Variants in LRP1 observed in about 807,000 individuals in gnomAD.
The protein encoded by LRP1 is LDL receptor related protein 1.
A neutral mutation model predicts 541.5 loss-of-function variants in LRP1; 51 were observed. That is an observed-to-expected ratio of 0.09 (90% confidence interval 0.08 to 0.12). The LOEUF is 0.12. Ranked by LOEUF, LRP1 falls within the 10% of genes least tolerant of loss-of-function variation. LRP1 has a pLI of 1.00. For synonymous variants in LRP1, 2,219 were observed against 2,470.8 expected, an observed-to-expected ratio of 0.90 and a Z score of 3.02; for missense variants, 3,878 against 6,376.2, an observed-to-expected ratio of 0.61 and a Z score of 13.34.
Position 57,209,773 on chromosome 12 carries a change from T to C in LRP1, c.12344T>C (p.Ile4115Thr), listed in dbSNP as rs781273134. The C allele has an allele frequency of 1.2e-6, 2 of 1,614,090 alleles. No individual in the cohort carries two copies. Among genetic ancestry groups the C allele is most frequent in the Admixed American group, 1.7e-5 (1 of 60,010 alleles). Reference sequence around the variant, plus strand: ...TACATCAATAATCGTGTCTTCAAGATCCATAAGTTTGGCCACAGCCCCTTG... The same window carrying C: ...TACATCAATAATCGTGTCTTCAAGACCCATAAGTTTGGCCACAGCCCCTTG... ...VTYINNRVFKIHKFGHSPLVN... is the reference protein window; with the variant it reads ...VTYINNRVFKTHKFGHSPLVN... The change falls in exon 80 of 89, where the codon ATC becomes ACC. Residue 4115 changes from isoleucine to threonine, a missense_variant. By Grantham distance (89) the Ile-to-Thr change is moderately conservative. Transcript: ENST00000243077.
rs34829010 is a variant in LRP1, at chr12:57,197,174, C to A, written c.9076+9C>A. 7.4e-6 allele frequency: 12 copies of A among 1,613,662 alleles called. No homozygotes were observed. The highest frequency in any genetic ancestry group is 1.0e-5 in the Non-Finnish European group (12 of 1,179,984). On this transcript the variant is annotated intron_variant, in intron 56 of 88. Coordinates refer to ENST00000243077, the MANE Select transcript of LRP1 (RefSeq NM_002332.3). The surrounding 1 kb of genome is among the most constrained non-coding windows in gnomAD (Gnocchi z 4.5). ...CTGCAAGGCTGTGACTGGTGAGATG[C>A]GCGCTTGGAGGGCATGAGGTGACCC...
intron 1 of LRP1, among the ~76,000 whole-genome samples, chr12:57,133,214 G>A (rs568550175): frequency 2.6e-5 from 4 of 151,988 alleles, no homozygotes; most frequent in Non-Finnish European, 5.9e-5. Flanking sequence ...GGCTGGGGTG[G>A]GGGGAGAAGG....
Position 57,156,634 on chromosome 12 carries a change from A to C in LRP1, c.1418-143A>C, listed in dbSNP as rs1592616498. The C allele has an allele frequency of 1.1e-6, 1 of 944,674 alleles. No homozygotes were observed. The highest frequency in any genetic ancestry group is 1.5e-6 in the Non-Finnish European group (1 of 656,938). The allele number at this position is 944,674 out of a possible 1,614,324, so 58.5% of individuals were successfully genotyped here. The stretch of plus-strand genomic sequence containing the variant: ...GGTTGTTGGGGGGCAGAGGGTTTCC[A>C]CCCCTGTGGCTTCCAAATCCTAAAA... On this transcript the variant is annotated intron_variant, in intron 9 of 88. Coordinates refer to ENST00000243077, the MANE Select transcript of LRP1 (RefSeq NM_002332.3). This position sits in a 1 kb window ranked among gnomAD's most constrained non-coding sequence, Gnocchi z 5.2.
rs1247351256 is a variant in LRP1 at position 57,179,420 on chromosome 12, G to A, written c.4830G>A (p.Thr1610=). Residue 1610 remains threonine (T), a synonymous_variant, in exon 29 of 89, where the codon ACG becomes ACA. Coordinates refer to ENST00000243077, the MANE Select transcript of LRP1 (RefSeq NM_002332.3). This position sits in a 1 kb window ranked among gnomAD's most constrained non-coding sequence, Gnocchi z 6.8. ...APYYNYIISF[T]VPDIDNVTVL... is the part of the protein sequence containing the mutation. ...ACTACAACTACATCATCTCCTTCAC[G>A]GTGCCCGACATCGACAACGTCACAG... 1.2e-6 allele frequency: 2 copies of A among 1,614,068 alleles called. No individual in the cohort carries two copies. Among genetic ancestry groups the A allele is most frequent in the East Asian group, 2.2e-5 (1 of 44,900 alleles).
At position 57,165,577 on chromosome 12, in the gene LRP1, C is replaced by T. The variant is rs2136686642; in HGVS notation, c.2531-228C>T. On this transcript the variant is annotated intron_variant, in intron 15 of 88. Transcript: ENST00000243077. The surrounding 1 kb of genome is among the most constrained non-coding windows in gnomAD (Gnocchi z 4.5). ...CTTGGACACCATTTGATTCTCAGGTCACACTGAAGTACAGTAAGCATTAAG... is the reference window on the plus strand; with the variant it reads ...CTTGGACACCATTTGATTCTCAGGTTACACTGAAGTACAGTAAGCATTAAG... 1 of 520,902 alleles carries T rather than the reference C, an allele frequency of 1.9e-6. No individual in the cohort carries two copies. The highest frequency in any genetic ancestry group is 3.2e-5 in the Admixed American group (1 of 30,918). The allele number at this position is 520,902 out of a possible 1,614,324, so 32.3% of individuals were successfully genotyped here.
chr12:57,179,061 C>A lies in LRP1; in HGVS notation c.4738+40C>A. On this transcript the variant is annotated intron_variant, in intron 28 of 88. Coordinates refer to ENST00000243077, the MANE Select transcript of LRP1 (RefSeq NM_002332.3). This position sits in a 1 kb window ranked among gnomAD's most constrained non-coding sequence, Gnocchi z 6.8. ...CTCCAGAGCCAGTGAGCAACTGAGG[C>A]TGGAGGGAAGGCCGCAGGCCCCAGG... is the stretch of plus-strand genomic sequence containing the variant. The A allele has an allele frequency of 6.2e-7, 1 of 1,600,332 alleles. No individual in the cohort carries two copies. Among genetic ancestry groups the A allele is most frequent in the Non-Finnish European group, 8.5e-7 (1 of 1,174,112 alleles).
In LRP1 at chr12:57,200,986, C is replaced by A. The variant is rs776810840; in HGVS notation, c.10226-48C>A. 4 of 1,613,132 alleles carry A rather than the reference C, an allele frequency of 2.5e-6. No individual in the cohort carries two copies. In the East Asian group the frequency reaches 8.9e-5, roughly 36 times the overall value. On this transcript the variant is annotated intron_variant, in intron 64 of 88. Coordinates refer to ENST00000243077, the MANE Select transcript of LRP1 (RefSeq NM_002332.3). ...CTGAGGGATGGGCACCCTCTCCCTG[C>A]CCCTGAGTCCTCCCTTCGCCACGAA...
intron 6 of LRP1, among the ~76,000 whole-genome samples, chr12:57,150,360 T>A (rs1039239443): frequency 6.6e-6 from 1 of 151,758 alleles, no homozygotes; most frequent in African/African-American, 2.4e-5. Flanking sequence ...CCTGGCTAAT[T>A]TTTTGTGTTT....
In LRP1 at chr12:57,209,108, G is replaced by C; in HGVS notation, c.12171G>C (p.Glu4057Asp). ...PTGLAVDYHNERLYWADAKLS... is the reference protein window; with the variant it reads ...PTGLAVDYHNDRLYWADAKLS... Reference sequence around the variant, plus strand: ...GCCTGGCCGTGGATTATCACAATGAGCGGCTGTACTGGGCAGACGCCAAGC... The same window carrying C: ...GCCTGGCCGTGGATTATCACAATGACCGGCTGTACTGGGCAGACGCCAAGC... The change falls in exon 79 of 89, where the codon GAG (glutamate) becomes GAC (aspartate). Residue 4057 changes from glutamate to aspartate, a missense_variant. By Grantham distance (45) the Glu-to-Asp change is conservative. Around this residue, in one of 13 missense-constraint regions of LRP1, gnomAD observed 871 missense variants for 1,212.4 expected, o/e 0.72. Transcript: ENST00000243077. 1.2e-6 allele frequency: 2 copies of C among 1,613,842 alleles called. No homozygotes were observed. Among genetic ancestry groups the C allele is most frequent in the Admixed American group, 3.3e-5 (2 of 60,022 alleles).
Position 57,154,480 on chromosome 12 carries a change from A to G in LRP1, c.1006A>G (p.Lys336Glu), listed in dbSNP as rs1371893568. The G allele has an allele frequency of 6.2e-7, 1 of 1,612,168 alleles. No individual in the cohort carries two copies. Among genetic ancestry groups the G allele is most frequent in the African/African-American group, 1.3e-5 (1 of 74,874 alleles). ...CATTTAACATGCATCTTCCCACAGG[A>G]AGGTGTTTTTCACTGACTATGGGCA... Reference protein sequence around the residue: ...KGIALDPAMGKVFFTDYGQIP... With the variant: ...KGIALDPAMGEVFFTDYGQIP... The change falls in exon 8 of 89, where the codon AAG becomes GAG. Residue 336 changes from lysine to glutamate, a missense_variant and splice_region_variant. Physicochemically the swap from Lys to Glu is moderately conservative, Grantham distance 56 (BLOSUM62 1). This residue lies in a region of LRP1 where 496 missense variants were observed against 861.0 expected (regional missense o/e 0.58). Transcript: ENST00000243077. This position sits in a 1 kb window ranked among gnomAD's most constrained non-coding sequence, Gnocchi z 4.6.
intron 1 of LRP1, among the ~76,000 whole-genome samples, chr12:57,134,694 C>CCTTT (rs1011616671): frequency 6.6e-5 from 10 of 151,840 alleles, no homozygotes; most frequent in Admixed American, 3.3e-4. Flanking sequence ...CATCTGGTTT[C>CCTTT]CTTTCTTTCT....
intron 42 of LRP1, among the ~76,000 whole-genome samples, chr12:57,190,108 C>T (rs919884323): frequency 2.0e-5 from 3 of 152,274 alleles, no homozygotes; most frequent in Admixed American, 6.5e-5. Context: ...GGAGCCGTTA[C>T]GAGGCAGAAC....
In LRP1 at chr12:57,206,923, T is replaced by C. The variant is rs1400106010; in HGVS notation, c.11859+182T>C. ...GGAGTTTGAGACCAGCGTGGCAACA[T>C]GGTGAAACCCTGTCTCTACTAAAAA... On this transcript the variant is annotated intron_variant, in intron 76 of 88. Transcript: ENST00000243077. The surrounding 1 kb of genome is among the most constrained non-coding windows in gnomAD (Gnocchi z 4.7). 6.6e-6 allele frequency among the ~76,000 whole-genome samples: 1 copy of C among 152,136 alleles called. No individual in the cohort carries two copies. The highest frequency in any genetic ancestry group is 1.5e-5 in the Non-Finnish European group (1 of 68,026).
rs374929688 is a variant in LRP1 at position 57,197,186 on chromosome 12, G to T, written c.9076+21G>T. 1.2e-6 allele frequency: 2 copies of T among 1,613,714 alleles called. No homozygotes were observed. The highest frequency in any genetic ancestry group is 1.3e-5 in the African/African-American group (1 of 74,938). On this transcript the variant is annotated intron_variant, in intron 56 of 88. Coordinates refer to ENST00000243077, the MANE Select transcript of LRP1 (RefSeq NM_002332.3). The surrounding 1 kb of genome is among the most constrained non-coding windows in gnomAD (Gnocchi z 4.5). ...GACTGGTGAGATGCGCGCTTGGAGG[G>T]CATGAGGTGACCCAGGCTGTGTGGG...
chr12:57,199,388 CGCCA>C lies in LRP1; in HGVS notation c.9859_9862del (p.Pro3287ThrfsTer164). 1 of 1,609,292 alleles carries C rather than the reference CGCCA, an allele frequency of 6.2e-7. No individual in the cohort carries two copies. The highest frequency in any genetic ancestry group is 8.5e-7 in the Non-Finnish European group (1 of 1,178,354). ...GGACCTGCATGTCTTCCATGCCCTG[CGCCA>C]GCCAGACGGTGAGCAGGCAAGGGGT... On this transcript the variant is annotated frameshift_variant, in exon 61 of 89. Coordinates refer to ENST00000243077, the MANE Select transcript of LRP1 (RefSeq NM_002332.3). LOFTEE classifies it high-confidence loss of function.
At position 57,183,381 on chromosome 12, in the gene LRP1, G is replaced by A. The variant is rs760016903; in HGVS notation, c.5665G>A (p.Val1889Ile). 1.2e-5 allele frequency: 20 copies of A among 1,602,190 alleles called. No homozygotes were observed. The highest frequency in any genetic ancestry group is 5.5e-5 in the South Asian group (5 of 90,834). ...LRSGQQACEGVGSFLLYSVHE... is the reference protein window; with the variant it reads ...LRSGQQACEGIGSFLLYSVHE... ...CCTTAAGTTTCCTTGTCTTTCAGGC[G>A]TAGGTTCCTTTCTCCTGTACTCTGT... is the stretch of plus-strand genomic sequence containing the variant. Residue 1889 changes from valine to isoleucine, a missense_variant and splice_region_variant, in exon 35 of 89, where the codon GTA becomes ATA. By Grantham distance (29) the Val-to-Ile change is conservative. Transcript: ENST00000243077. The surrounding 1 kb of genome is among the most constrained non-coding windows in gnomAD (Gnocchi z 6.1).
Position 57,201,315 on chromosome 12 carries a change from A to G in LRP1, c.10345+162A>G, listed in dbSNP as rs915534557. On this transcript the variant is annotated intron_variant, in intron 65 of 88. Coordinates refer to ENST00000243077, the MANE Select transcript of LRP1 (RefSeq NM_002332.3). This position sits in a 1 kb window ranked among gnomAD's most constrained non-coding sequence, Gnocchi z 6.4. ...GCTTTGCTCATAAAAATCATCATGC[A>G]TGATATAGAGACATAGAGATCCAGA... Among the ~76,000 whole-genome samples, 3 of 152,204 alleles carry G rather than the reference A, an allele frequency of 2.0e-5. No homozygotes were observed. Among genetic ancestry groups the G allele is most frequent in the Non-Finnish European group, 4.4e-5 (3 of 68,030 alleles).
At position 57,195,988 on chromosome 12, in the gene LRP1, C is replaced by G. The variant is rs750095333; in HGVS notation, c.8686C>G (p.His2896Asp). 1 of 1,613,084 alleles carries G rather than the reference C, an allele frequency of 6.2e-7. No individual in the cohort carries two copies. The highest frequency in any genetic ancestry group is 1.1e-5 in the South Asian group (1 of 91,084). Residue 2896 changes from histidine to aspartate, a missense_variant, in exon 54 of 89, where the codon CAC (histidine) becomes GAC (aspartate). By Grantham distance (81) the His-to-Asp change is moderately conservative. This residue lies in a region of LRP1 where 1,100 missense variants were observed against 1,827.4 expected (regional missense o/e 0.60). Transcript: ENST00000243077. ...DQSDEAPKNP[H>D]CTSQEHKCNA... ...GAGTGACGAGGCTCCCAAGAACCCACACTGCACCAGCCAAGGTGGGCCCCA... is the reference window on the plus strand; with the variant it reads ...GAGTGACGAGGCTCCCAAGAACCCAGACTGCACCAGCCAAGGTGGGCCCCA...
intron 20 of LRP1, among the ~76,000 whole-genome samples, chr12:57,172,062 CTTTTTTT>C (rs57732385): frequency 7.9e-6 from 1 of 126,850 alleles, no homozygotes; most frequent in Non-Finnish European, 1.7e-5. Context: ...TTTCTTTTTT[CTTTTTTT>C]TTTTTTTTGA....
Sources: gnomAD v4.1 joint callset for allele counts (sites outside exome capture counted in the v4.1 genomes callset) on GRCh38, gnomAD v4.1.1 for gene constraint, gnomAD v4.1.1 regional missense constraint, Gnocchi (gnomAD v3.1) non-coding constraint, MANE v1.5 for transcripts, NCBI Gene and HGNC (gene_info 2026-07-23, HGNC 2026-07-21) for gene names.